SUGP2: variants seen among roughly 807,000 people sequenced by gnomAD.
SUGP2 encodes the protein SURP and G-patch domain containing 2.
SUGP2 carries 24 observed loss-of-function variants against 90.5 expected under a neutral mutation model. That is an observed-to-expected ratio of 0.27 (90% CI 0.19 to 0.37). The LOEUF (loss-of-function observed/expected upper bound fraction) is 0.37. Ranked by LOEUF, SUGP2 falls within the 10% of genes least tolerant of loss-of-function variation. The probability of loss-of-function intolerance (pLI) is 1.00; values close to 1 mark genes in which losing one functional copy is unlikely to be tolerated. For missense variants in SUGP2, 1,233 were observed against 1,363.3 expected, an observed-to-expected ratio of 0.90 and a Z score of 1.51; for synonymous variants, 473 against 513.4, an observed-to-expected ratio of 0.92 and a Z score of 1.06.
intron 3 of SUGP2, among the ~76,000 whole-genome samples, chr19:19,021,011 T>C (rs1436665356): frequency 6.6e-6 from 1 of 151,730 alleles, no homozygotes; most frequent in Non-Finnish European, 1.5e-5. Context: ...AATATAAAAT[T>C]AGCCAGGTGT....
intron 9 of SUGP2, 35 bp downstream of exon 9, chr19:18,995,109 C>A: frequency 6.3e-7 from 1 of 1,598,682 alleles, no homozygotes; most frequent in Non-Finnish European, 8.5e-7. Flanking sequence ...GACTGAGGCC[C>A]CACCCACTCC....
In SUGP2 at chr19:19,025,861, T is replaced by C. The variant is rs1351648536; in HGVS notation, c.487A>G (p.Ser163Gly). Residue 163 changes from serine (S) to glycine (G), a missense_variant, in exon 3 of 11, where the codon AGT becomes GGT. This residue lies in a region of SUGP2 where 418 missense variants were observed against 399.9 expected (regional missense o/e 1.05). Coordinates refer to ENST00000452918, the MANE Select transcript of SUGP2 (RefSeq NM_001017392.5). ...CCCAAAACTGCAGAGGGACCAAAAC[T>C]ATACTCCTGTGACCAAGAGGACTCT... is the stretch of plus-strand genomic sequence containing the variant. ...SQESSWSQEY[S>G]FGPSAVLGDF... is the part of the protein sequence containing the mutation. 3.7e-6 allele frequency: 6 copies of C among 1,614,078 alleles called. No individual in the cohort carries two copies. The South Asian group carries it at 6.6e-5, about 18-fold the overall frequency.
At chr19:18,995,034 A>G (rs568500060) in intron 9 of SUGP2, 110 bp downstream of exon 9, 2 of 1,416,276 alleles carry the variant, frequency 1.4e-6, no homozygotes, top group Middle Eastern at 1.7e-4. Context: ...AAAAAACAAA[A>G]ATCAACTGCC....
At chr19:18,996,051 A>C (rs2057567688) in intron 8 of SUGP2, among the ~76,000 whole-genome samples, 2 of 152,194 alleles carry the variant, frequency 1.3e-5, no homozygotes, top group Admixed American at 1.3e-4. Flanking sequence ...GACAGAGCCC[A>C]GCTGGGCAGT....
In SUGP2 at chr19:19,005,714, G is replaced by T. The variant is rs572670983; in HGVS notation, c.2451-1068C>A. On this transcript the variant is annotated intron_variant, in intron 6 of 10. Transcript: ENST00000452918. ...TTTAGAGATGGGGTCTCACTCTGTCGTCCAGGCTAGAGTGCAGTGGTGTGA... is the reference window on the plus strand; with the variant it reads ...TTTAGAGATGGGGTCTCACTCTGTCTTCCAGGCTAGAGTGCAGTGGTGTGA... Among the ~76,000 whole-genome samples, 9 of 151,988 alleles carry T rather than the reference G, an allele frequency of 5.9e-5. No homozygotes were observed. The East Asian group carries it at 1.7e-3, about 29-fold the overall frequency.
intron 2 of SUGP2, among the ~76,000 whole-genome samples, chr19:19,029,036 T>C (rs1217700423): frequency 6.6e-6 from 1 of 152,124 alleles, no homozygotes; most frequent in Non-Finnish European, 1.5e-5. Flanking sequence ...TGGAGTATAA[T>C]GGCACAAACA....
chr19:19,030,117 C>G (rs1269286018), intron 2 of SUGP2, among the ~76,000 whole-genome samples: 1 of 151,496 alleles, frequency 6.6e-6, no homozygotes, highest in African/African-American at 2.4e-5. Flanking sequence ...AGTTGCAGAC[C>G]AGCCTGAAAA....
chr19:19,033,834 A>G (rs1197556583), upstream of SUGP2: 7 of 273,730 alleles, frequency 2.6e-5, no homozygotes, highest in South Asian at 4.2e-4. Flanking sequence ...GGGGCGCCAC[A>G]GCGCCTGCGC....
chr19:19,003,279 T>A (rs995963690), intron 7 of SUGP2, among the ~76,000 whole-genome samples: 2 of 152,234 alleles, frequency 1.3e-5, no homozygotes, highest in African/African-American at 4.8e-5. Context: ...CACAGGTGAC[T>A]GTTTAACACA....
chr19:19,003,009 A>G (rs2145362785), intron 7 of SUGP2, among the ~76,000 whole-genome samples: 2 of 151,898 alleles, frequency 1.3e-5, no homozygotes, highest in African/African-American at 4.8e-5. Context: ...AGGTCTGGCC[A>G]TCTTGCCCAG....
intron 8 of SUGP2, among the ~76,000 whole-genome samples, chr19:19,000,813 C>G (rs1854812183): frequency 6.6e-6 from 1 of 151,776 alleles, no homozygotes; most frequent in African/African-American, 2.4e-5. Flanking sequence ...CCAAATGATC[C>G]TTCCACCTCA....
At chr19:19,018,247 G>A (rs112693319) in intron 4 of SUGP2, among the ~76,000 whole-genome samples, 11,166 of 151,920 alleles carry the variant, frequency 0.073, 459 homozygotes, top group Middle Eastern at 0.16. Context: ...CACGAGAATC[G>A]CTTGAACTCA....
rs771207497 is a variant in SUGP2 at position 19,004,456 on chromosome 19, G to A, written c.2641C>T (p.Arg881Trp). 1.1e-5 allele frequency: 17 copies of A among 1,614,034 alleles called. No homozygotes were observed. The highest frequency in any genetic ancestry group is 1.6e-4 in the Middle Eastern group (1 of 6,084). ...EAEFEDEPPP[R>W]EAELESPEVM... ...TCTGGGCTCTCCAGCTCAGCCTCCC[G>A]CGGAGGGGGCTCGTCTTCAAACTCT... Residue 881 changes from arginine (R) to tryptophan (W), a missense_variant, in exon 7 of 11, where the codon CGG (arginine) becomes TGG (tryptophan). By Grantham distance (101) the Arg-to-Trp change is moderately radical. Transcript: ENST00000452918.
In SUGP2 at chr19:18,991,950, A is replaced by G. The variant is rs1014090852; in HGVS notation, c.*1791T>C. 7.2e-5 allele frequency: 11 copies of G among 152,368 alleles called. No homozygotes were observed. The highest frequency in any genetic ancestry group is 2.7e-4 in the African/African-American group (11 of 41,454). The allele number at this position is 152,368 out of a possible 1,614,324, so 9.4% of individuals were successfully genotyped here. A position where few individuals can be genotyped will look rare whatever the true frequency, so the allele number is the denominator to read the frequency against. ...AAAGCTACAGAAGCCACTGGAAGCA[A>G]GCAGAGCCCCTGGGGGTGGTGGCAC... On this transcript the variant is annotated 3_prime_UTR_variant, in exon 11 of 11. Coordinates refer to ENST00000452918, the MANE Select transcript of SUGP2 (RefSeq NM_001017392.5).
In SUGP2 at chr19:19,008,446, C is replaced by G. The variant is rs1489087849; in HGVS notation, c.2339-18G>C. On this transcript the variant is annotated intron_variant, in intron 5 of 10. Coordinates refer to ENST00000452918, the MANE Select transcript of SUGP2 (RefSeq NM_001017392.5). Reference sequence around the variant, plus strand: ...CATGTCAACTACAAAACATAAAGCACCTGTCAGGCATGACTCCTGAGCTGC... The same window carrying G: ...CATGTCAACTACAAAACATAAAGCAGCTGTCAGGCATGACTCCTGAGCTGC... 3.1e-6 allele frequency: 5 copies of G among 1,597,298 alleles called. No homozygotes were observed. Among genetic ancestry groups the G allele is most frequent in the Non-Finnish European group, 4.3e-6 (5 of 1,164,774 alleles).
In SUGP2 at chr19:19,004,413, T is replaced by G. The variant is rs750057301; in HGVS notation, c.2684A>C (p.Glu895Ala). The stretch of plus-strand genomic sequence containing the variant: ...TCCCCCATCCTCATCGTCCTCGTCC[T>G]CCTCCTCAGGCATCACCTCTGGGCT... Reference protein sequence around the residue: ...LESPEVMPEEEDEDDEDGGEE... With the variant: ...LESPEVMPEEADEDDEDGGEE... Residue 895 changes from glutamate to alanine, a missense_variant, in exon 7 of 11, where the codon GAG becomes GCG. Glu to Ala is a moderately radical substitution (Grantham distance 107). This residue lies in a region of SUGP2 where 540 missense variants were observed against 542.6 expected (regional missense o/e 1.00). Transcript: ENST00000452918. The G allele has an allele frequency of 6.2e-7, 1 of 1,614,016 alleles. No homozygotes were observed. The highest frequency in any genetic ancestry group is 1.3e-5 in the African/African-American group (1 of 74,922).
At chr19:19,030,896 C>A in intron 2 of SUGP2, 55 bp downstream of exon 2, 1 of 1,561,008 alleles carries the variant, frequency 6.4e-7, no homozygotes, top group South Asian at 1.2e-5. Flanking sequence ...CCTGCCTTGG[C>A]CCTAAGATAC....
chr19:18,997,770 G>A (rs1599393896), intron 8 of SUGP2, among the ~76,000 whole-genome samples: 1 of 129,360 alleles, frequency 7.7e-6, no homozygotes. Context: ...GCGACAAAGG[G>A]AGACTCCGTC....
chr19:19,014,395 G>A (rs1253272263), intron 4 of SUGP2, among the ~76,000 whole-genome samples: 2 of 152,128 alleles, frequency 1.3e-5, no homozygotes, highest in South Asian at 2.1e-4. Flanking sequence ...CATGCTTGTG[G>A]GGTGTGAGGG....
Sources: gnomAD v4.1 joint callset for allele counts (sites outside exome capture counted in the v4.1 genomes callset) on GRCh38, gnomAD v4.1.1 for gene constraint, gnomAD v4.1.1 regional missense constraint, MANE v1.5 for transcripts, NCBI Gene and HGNC (gene_info 2026-07-23, HGNC 2026-07-21) for gene names.